ZNF354B: variants seen among roughly 807,000 people sequenced by gnomAD.
ZNF354B encodes zinc finger protein 354B.
In ZNF354B, 10 loss-of-function variants were observed where a neutral mutation model predicts 12.9. The ratio of observed to expected loss-of-function variants is 0.77; its 90% CI spans 0.48 to 1.31. The LOEUF is 1.31. ZNF354B is among the 40% of genes most tolerant of loss of function. The pLI is 0.00. For synonymous variants in ZNF354B, 260 were observed against 243.7 expected (o/e 1.07, Z -0.62); for missense variants, 614 against 711.7 (o/e 0.86, Z 1.56).
intron 2 of ZNF354B, among the ~76,000 whole-genome samples, chr5:178,863,242 A>G (rs529314687): frequency 2.0e-5 from 3 of 152,266 alleles, no homozygotes; most frequent in African/African-American, 7.2e-5. Context: ...ATATATATAC[A>G]TATGTATATG....
At chr5:178,878,367 A>T (rs1401230554) in intron 4 of ZNF354B, among the ~76,000 whole-genome samples, 1 of 151,014 alleles carries the variant, frequency 6.6e-6, no homozygotes, top group African/African-American at 2.4e-5. Flanking sequence ...TGGGCAACAG[A>T]GCGAGACTCC....
At chr5:178,866,817 G>A (rs1230234089) in intron 3 of ZNF354B, among the ~76,000 whole-genome samples, 159 bp from the exon 4 acceptor site, 2 of 152,116 alleles carry the variant, frequency 1.3e-5, no homozygotes, top group Admixed American at 1.3e-4. Context: ...AAAGTTACTT[G>A]ATAGATCATT....
intron 4 of ZNF354B, among the ~76,000 whole-genome samples, chr5:178,873,798 A>G (rs1757596344): frequency 6.6e-6 from 1 of 152,170 alleles, no homozygotes; most frequent in Admixed American, 6.5e-5. Context: ...TCTTGCTGAG[A>G]TTTTGATAGG....
intron 3 of ZNF354B, among the ~76,000 whole-genome samples, chr5:178,866,606 A>C (rs1213778209): frequency 1.3e-5 from 2 of 152,136 alleles, no homozygotes; most frequent in East Asian, 3.9e-4. Context: ...ACAATTTCAC[A>C]TTAGAAATTC....
intron 4 of ZNF354B, among the ~76,000 whole-genome samples, chr5:178,868,573 A>G (rs1757501606): frequency 6.6e-6 from 1 of 152,076 alleles, no homozygotes; most frequent in Non-Finnish European, 1.5e-5. Flanking sequence ...CACGTGGGAA[A>G]GACACTCGGT....
At position 178,882,978 on chromosome 5, in the gene ZNF354B, CA is replaced by C; in HGVS notation, c.528del (p.Gln176HisfsTer73). 1 of 1,608,772 alleles carries C rather than the reference CA, an allele frequency of 6.2e-7. No homozygotes were observed. The highest frequency in any genetic ancestry group is 8.5e-7 in the Non-Finnish European group (1 of 1,178,838). On this transcript the variant is annotated frameshift_variant, in exon 5 of 5. Coordinates refer to ENST00000322434, the MANE Select transcript of ZNF354B (RefSeq NM_058230.3). LOFTEE classifies it low-confidence loss of function (END_TRUNC). ...CTACCTGAAATCAGTCTTCATTAAG[CA>C]ACAGAGATTTGCTAAAGAAAAAACT... Reference protein sequence around the residue: ...NFYLKSVFIKQQRFAKEKTPS... With the variant: ...NFYLKSVFIKXQRFAKEKTPS...
chr5:178,866,163 G>T, intron 2 of ZNF354B, 81 bp from the exon 3 acceptor site: 3 of 1,563,224 alleles, frequency 1.9e-6, no homozygotes, highest in South Asian at 1.2e-5. Context: ...AGTGTTTCAC[G>T]GGTAGCGTGT....
chr5:178,871,839 G>A (rs923329975), intron 4 of ZNF354B, among the ~76,000 whole-genome samples: 3 of 152,300 alleles, frequency 2.0e-5, no homozygotes, highest in East Asian at 1.9e-4. Flanking sequence ...TACTACCACT[G>A]GAAGGAGATT....
At chr5:178,872,050 G>T (rs1757570819) in intron 4 of ZNF354B, among the ~76,000 whole-genome samples, 3 of 152,112 alleles carry the variant, frequency 2.0e-5, no homozygotes. Flanking sequence ...ATACAGTGAA[G>T]ATACAGAAAA....
chr5:178,872,173 C>T (rs75874444), intron 4 of ZNF354B, among the ~76,000 whole-genome samples: 22,560 of 152,100 alleles, frequency 0.15, 2,048 homozygotes, highest in African/African-American at 0.25. Flanking sequence ...CTGATAATCA[C>T]TAATGTGTTC....
Position 178,883,459 on chromosome 5 carries a change from G to A in ZNF354B, c.1007G>A (p.Ser336Asn), listed in dbSNP as rs149676435. The change falls in exon 5 of 5, where the codon AGT becomes AAT. Residue 336 changes from serine (S) to asparagine (N), a missense_variant. Ser to Asn is a conservative substitution (Grantham distance 46). Transcript: ENST00000322434. ...HKYNPGRKAS[S>N]YSTSLSGSQK... ...TACAATCCAGGCAGGAAGGCATCCA[G>A]TTACAGCACTTCCCTTTCTGGAAGT... 57 of 1,614,086 alleles carry A rather than the reference G, an allele frequency of 3.5e-5. No individual in the cohort carries two copies. In the African/African-American group the frequency reaches 7.1e-4, roughly 20 times the overall value.
intron 4 of ZNF354B, among the ~76,000 whole-genome samples, chr5:178,881,932 C>G (rs1377515889): frequency 3.3e-5 from 5 of 152,128 alleles, no homozygotes; most frequent in Non-Finnish European, 7.3e-5. Context: ...TTACTCATAT[C>G]TAATTGATTT....
At chr5:178,878,105 C>T (rs533398195) in intron 4 of ZNF354B, among the ~76,000 whole-genome samples, 8 of 152,172 alleles carry the variant, frequency 5.3e-5, no homozygotes, top group African/African-American at 1.7e-4. Flanking sequence ...ACAGTTAGGC[C>T]GGGCGTGGTG....
intron 2 of ZNF354B, among the ~76,000 whole-genome samples, chr5:178,861,444 CCT>C (rs1757346895): frequency 6.6e-6 from 1 of 152,188 alleles, no homozygotes; most frequent in East Asian, 1.9e-4. Flanking sequence ...TCTTTTCACC[CCT>C]GAGAATCCTC....
intron 2 of ZNF354B, among the ~76,000 whole-genome samples, chr5:178,864,969 A>G (rs1757424479): frequency 6.6e-6 from 1 of 152,088 alleles, no homozygotes; most frequent in South Asian, 2.1e-4. Flanking sequence ...GTGATATATA[A>G]CCTGCTTTGT....
intron 2 of ZNF354B, among the ~76,000 whole-genome samples, chr5:178,863,535 C>T (rs547176831): frequency 6.6e-6 from 1 of 152,314 alleles, no homozygotes; most frequent in East Asian, 1.9e-4. Flanking sequence ...AAGTATACAG[C>T]ATATGCGATT....
intron 4 of ZNF354B, among the ~76,000 whole-genome samples, chr5:178,875,353 G>A (rs965363301): frequency 6.6e-6 from 1 of 152,166 alleles, no homozygotes; most frequent in Non-Finnish European, 1.5e-5. Context: ...GTCAATCAGT[G>A]CAGTCGGCCC....
intron 4 of ZNF354B, among the ~76,000 whole-genome samples, chr5:178,882,308 T>G (rs1757729369): frequency 6.6e-6 from 1 of 152,192 alleles, no homozygotes; most frequent in Admixed American, 6.5e-5. Context: ...ACATTTGAAC[T>G]GAGTCTGAAG....
chr5:178,882,572 A>G (rs1757731943), intron 4 of ZNF354B, 137 bp from the exon 5 acceptor site: 1 of 777,070 alleles, frequency 1.3e-6, no homozygotes, highest in Non-Finnish European at 1.9e-6. Flanking sequence ...ATTATTTTAT[A>G]TAGTGTTTTT....
Sources: gnomAD v4.1 joint callset for allele counts (sites outside exome capture counted in the v4.1 genomes callset) on GRCh38, gnomAD v4.1.1 for gene constraint, MANE v1.5 for transcripts, NCBI Gene and HGNC (gene_info 2026-07-23, HGNC 2026-07-21) for gene names.